Variants in YAF2 observed in about 807,000 individuals in gnomAD.
YAF2 encodes the protein YY1-associated factor 2.
In YAF2, 7 loss-of-function variants were observed where a neutral mutation model predicts 20.1. The ratio of observed to expected loss-of-function variants is 0.35; its 90% CI spans 0.20 to 0.65. YAF2 has a LOEUF of 0.65. Among genes scored for constraint, YAF2 ranks in the 30% least tolerant of loss-of-function variants. YAF2 has a pLI of 0.69. For missense variants in YAF2, 151 were observed against 219.2 expected, an observed-to-expected ratio of 0.69 and a Z score of 1.96; for synonymous variants, 74 against 76.0, an observed-to-expected ratio of 0.97 and a Z score of 0.14.
In YAF2 at chr12:42,207,664, G is replaced by A. The variant is rs545145734; in HGVS notation, c.152+29935C>T. Among the ~76,000 whole-genome samples the A allele has an allele frequency of 6.2e-4, 94 of 152,208 alleles. 1 individual carries two copies. The highest frequency in any genetic ancestry group is 1.1e-3 in the Non-Finnish European group (77 of 68,006). On this transcript the variant is annotated intron_variant, in intron 2 of 3. Transcript: ENST00000534854. ...TCCCAGCACTTTGGGAGGCCGAGGC[G>A]GGCAGATCACAAGGTCAGGCGATCA...
At chr12:42,194,590 G>A (rs917520528) in intron 2 of YAF2, among the ~76,000 whole-genome samples, 1 of 152,196 alleles carries the variant, frequency 6.6e-6, no homozygotes, top group African/African-American at 2.4e-5. Context: ...GTTTCAGTGA[G>A]CTGAGATTGT....
intron 2 of YAF2, among the ~76,000 whole-genome samples, chr12:42,212,186 T>G (rs1351444887): frequency 6.6e-6 from 1 of 152,176 alleles, no homozygotes; most frequent in Non-Finnish European, 1.5e-5. Context: ...TTAAAATAAT[T>G]GCCTAAAAAT....
chr12:42,221,790 T>C (rs1263858660), intron 2 of YAF2, among the ~76,000 whole-genome samples: 1 of 152,132 alleles, frequency 6.6e-6, no homozygotes, highest in Non-Finnish European at 1.5e-5. Flanking sequence ...TAGCTGAAAA[T>C]CCCAACAAGA....
At chr12:42,171,229 G>T (rs2066039163) in intron 2 of YAF2, among the ~76,000 whole-genome samples, 2 of 152,172 alleles carry the variant, frequency 1.3e-5, no homozygotes, top group African/African-American at 4.8e-5. Flanking sequence ...GACCTCAAGT[G>T]ATCCGCCCAC....
At chr12:42,234,856 T>TG in intron 2 of YAF2, 2 of 683,708 alleles carry the variant, frequency 2.9e-6, no homozygotes, top group Non-Finnish European at 3.6e-6. Context: ...CACATGGTGG[T>TG]GTGCATCTGT....
chr12:42,221,633 T>C (rs1479216158), intron 2 of YAF2, among the ~76,000 whole-genome samples: 1 of 152,150 alleles, frequency 6.6e-6, no homozygotes, highest in African/African-American at 2.4e-5. Context: ...CTGACCCAAG[T>C]CACAATACTT....
In YAF2 at chr12:42,237,589, C is replaced by G; in HGVS notation, c.152+10G>C. ...CGGCCGGCGGCGCGAGGGGCAGGCC[C>G]GGGACTCACCGGGTGGAGGTGCCCT... On this transcript the variant is annotated intron_variant, in intron 2 of 3. Coordinates refer to ENST00000534854, the MANE Select transcript of YAF2 (RefSeq NM_005748.6). 2.6e-6 allele frequency: 4 copies of G among 1,528,620 alleles called. No homozygotes were observed. The highest frequency in any genetic ancestry group is 3.5e-6 in the Non-Finnish European group (4 of 1,136,690). The allele number at this position is 1,528,620 out of a possible 1,614,324, so 94.7% of individuals were successfully genotyped here. A position where few individuals can be genotyped will look rare whatever the true frequency, so the allele number is the denominator to read the frequency against.
intron 2 of YAF2, among the ~76,000 whole-genome samples, chr12:42,190,264 A>T (rs1293056924): frequency 1.3e-5 from 2 of 152,162 alleles, no homozygotes; most frequent in African/African-American, 4.8e-5. Context: ...TGATCTCTTG[A>T]GCCTGGGAAG....
chr12:42,232,632 A>G (rs1443010307), intron 2 of YAF2: 3 of 985,310 alleles, frequency 3.0e-6, no homozygotes, highest in South Asian at 4.7e-5. Flanking sequence ...ACTTATGTAG[A>G]TGGTCCTCAA....
chr12:42,187,079 G>C (rs2066493557), intron 2 of YAF2, among the ~76,000 whole-genome samples: 1 of 151,536 alleles, frequency 6.6e-6, no homozygotes, highest in African/African-American at 2.4e-5. Flanking sequence ...TCACAGATTT[G>C]GTTTATTATG....
intron 2 of YAF2, among the ~76,000 whole-genome samples, chr12:42,177,182 A>G (rs1333814902): frequency 6.6e-6 from 1 of 152,178 alleles, no homozygotes; most frequent in Admixed American, 6.5e-5. Context: ...CTAGTCCACA[A>G]GTCTCTATGT....
At chr12:42,231,856 G>A (rs565854872) in intron 2 of YAF2, 1 of 152,278 alleles carries the variant, frequency 6.6e-6, no homozygotes, top group African/African-American at 2.4e-5. Context: ...ATAGTATCAA[G>A]TGTTTTCCTT....
rs145894715 is a variant in YAF2 at position 42,166,408 on chromosome 12, C to T, written c.153-4643G>A. Among the ~76,000 whole-genome samples, 50 of 152,248 alleles carry T rather than the reference C, an allele frequency of 3.3e-4. 1 individual carries two copies. The East Asian group carries it at 8.7e-3, about 26-fold the overall frequency. On this transcript the variant is annotated intron_variant, in intron 2 of 3. Coordinates refer to ENST00000534854, the MANE Select transcript of YAF2 (RefSeq NM_005748.6). The stretch of plus-strand genomic sequence containing the variant: ...CCTACCTTTAGCATCTGTCCACTAA[C>T]GAACTATCTCAAGTAAATTTTTGTG...
intron 2 of YAF2, among the ~76,000 whole-genome samples, chr12:42,179,806 A>G (rs989095353): frequency 7.9e-5 from 12 of 151,712 alleles, no homozygotes; most frequent in Non-Finnish European, 1.0e-4. Context: ...AAAAAAAAAA[A>G]AAAGAAATCA....
At chr12:42,207,115 A>G (rs929952056) in intron 2 of YAF2, among the ~76,000 whole-genome samples, 3 of 152,230 alleles carry the variant, frequency 2.0e-5, no homozygotes, top group African/African-American at 7.2e-5. Flanking sequence ...CACTCTCAAT[A>G]TAACGACCAT....
rs574208699 is a variant in YAF2, at chr12:42,158,200, A to G, written c.*2389T>C. The stretch of plus-strand genomic sequence containing the variant: ...GATACCTGTGATTAATAAAAGTAAA[A>G]TAATTTCAAGTCAACTTAATTCATT... On this transcript the variant is annotated 3_prime_UTR_variant, in exon 4 of 4. Coordinates refer to ENST00000534854, the MANE Select transcript of YAF2 (RefSeq NM_005748.6). The G allele has an allele frequency of 4.6e-5, 7 of 152,288 alleles. No individual in the cohort carries two copies. The highest frequency in any genetic ancestry group is 1.0e-4 in the Non-Finnish European group (7 of 68,018). The allele number at this position is 152,288 out of a possible 1,614,324, so 9.4% of individuals were successfully genotyped here.
chr12:42,228,020 T>G (rs1422478805), intron 2 of YAF2, among the ~76,000 whole-genome samples: 13 of 81,650 alleles, frequency 1.6e-4, no homozygotes, highest in African/African-American at 2.4e-4. Context: ...AGGAGGGAGG[T>G]GGGGGGTCAG....
intron 2 of YAF2, among the ~76,000 whole-genome samples, chr12:42,225,531 A>C (rs1357714241): frequency 6.6e-6 from 1 of 152,202 alleles, no homozygotes; most frequent in East Asian, 1.9e-4. Context: ...TAAAGTCTTT[A>C]ATCCATCTTG....
chr12:42,215,333 G>C (rs1592022212), intron 2 of YAF2, among the ~76,000 whole-genome samples: 1 of 152,080 alleles, frequency 6.6e-6, no homozygotes, highest in Non-Finnish European at 1.5e-5. Flanking sequence ...CACTTTGGGA[G>C]GCTGAGGTGG....
Sources: gnomAD v4.1 joint callset for allele counts (sites outside exome capture counted in the v4.1 genomes callset) on GRCh38, gnomAD v4.1.1 for gene constraint, MANE v1.5 for transcripts, NCBI Gene and HGNC (gene_info 2026-07-23, HGNC 2026-07-21) for gene names.